Variants in RPS6KC1 observed in about 807,000 individuals in gnomAD.
RPS6KC1 encodes the protein ribosomal protein S6 kinase C1, also known as inactive ribosomal protein S6 kinase delta-1.
RPS6KC1 carries 54 observed loss-of-function variants against 103.8 expected under a neutral mutation model. That is an observed-to-expected ratio of 0.52 (90% CI 0.42 to 0.65). RPS6KC1 has a LOEUF of 0.65. Ranked by LOEUF, RPS6KC1 falls within the 30% of genes least tolerant of loss-of-function variation. The pLI is 0.00. For synonymous variants in RPS6KC1, 439 were observed against 438.7 expected (o/e 1.00, Z -0.01); for missense variants, 1,151 against 1,253.8 (o/e 0.92, Z 1.24).
chr1:213,358,318 T>A, the RPS6KC1 span, among the ~76,000 whole-genome samples: 87,585 of 151,964 alleles, frequency 0.58, 27,887 homozygotes, highest in East Asian at 0.93. Context: ...CGAGCCTGTT[T>A]TTGGTCTATT....
At chr1:213,656,769 A>G in the RPS6KC1 span, among the ~76,000 whole-genome samples, 1 of 152,222 alleles carries the variant, frequency 6.6e-6, no homozygotes, top group Non-Finnish European at 1.5e-5. Flanking sequence ...TGCCTTGTAA[A>G]TGTTTGCTGC....
chr1:213,817,489 A>T, the RPS6KC1 span, among the ~76,000 whole-genome samples: 1 of 152,240 alleles, frequency 6.6e-6, no homozygotes, highest in Non-Finnish European at 1.5e-5. Flanking sequence ...TCCTAATTGA[A>T]TAACTTAGGC....
At chr1:213,248,197 T>C (rs1220931925) in intron 12 of RPS6KC1, among the ~76,000 whole-genome samples, 1 of 152,072 alleles carries the variant, frequency 6.6e-6, no homozygotes, top group Non-Finnish European at 1.5e-5. Context: ...CAGGAGATAC[T>C]ACTTTTTTTC....
chr1:213,707,234 C>T, the RPS6KC1 span, among the ~76,000 whole-genome samples: 129 of 152,244 alleles, frequency 8.5e-4, 5 homozygotes, highest in South Asian at 0.026. Flanking sequence ...TTTTAATGAT[C>T]AGCATTCTAA....
chr1:213,765,447 C>A, the RPS6KC1 span, among the ~76,000 whole-genome samples: 1 of 152,198 alleles, frequency 6.6e-6, no homozygotes, highest in African/African-American at 2.4e-5. Flanking sequence ...ATTGCCAGCT[C>A]TTCTCCCTCC....
At chr1:213,527,749 C>T in the RPS6KC1 span, among the ~76,000 whole-genome samples, 20 of 151,724 alleles carry the variant, frequency 1.3e-4, no homozygotes, top group Non-Finnish European at 2.9e-4. Context: ...TGGTACTGAC[C>T]CCTACACAGT....
At chr1:213,527,884 C>G in the RPS6KC1 span, among the ~76,000 whole-genome samples, 1 of 151,956 alleles carries the variant, frequency 6.6e-6, no homozygotes, top group East Asian at 1.9e-4. Flanking sequence ...ATATACCATG[C>G]TCTTATAATA....
At chr1:213,067,126 A>G (rs2078402291) in intron 1 of RPS6KC1, among the ~76,000 whole-genome samples, 1 of 152,142 alleles carries the variant, frequency 6.6e-6, no homozygotes. Context: ...TACATCTTAC[A>G]CGTATTTATT....
the RPS6KC1 span, among the ~76,000 whole-genome samples, chr1:213,510,659 G>C: frequency 6.6e-6 from 1 of 152,180 alleles, no homozygotes; most frequent in Non-Finnish European, 1.5e-5. Flanking sequence ...ACGGTCTCCA[G>C]TTCAAGTCCT....
At chr1:213,533,925 T>G in the RPS6KC1 span, among the ~76,000 whole-genome samples, 2 of 152,192 alleles carry the variant, frequency 1.3e-5, no homozygotes, top group African/African-American at 4.8e-5. Flanking sequence ...AGGGGGCCAG[T>G]CGATCAAGGA....
chr1:213,510,165 G>A, the RPS6KC1 span, among the ~76,000 whole-genome samples: 1 of 152,138 alleles, frequency 6.6e-6, no homozygotes. Flanking sequence ...CAAAGTAGGG[G>A]CCTGCTTCAA....
At position 213,054,455 on chromosome 1, in the gene RPS6KC1, A is replaced by T. The variant is rs1461292468; in HGVS notation, c.105+2946A>T. ...TATTTCTTGAGAGTTAAGGAGAAAA[A>T]CACCTTTTTTCAGGATAATTAACCA... On this transcript the variant is annotated intron_variant, in intron 1 of 14. Transcript: ENST00000366960. Among the ~76,000 whole-genome samples the T allele has an allele frequency of 2.0e-5, 3 of 152,324 alleles. No homozygotes were observed. The East Asian group carries it at 5.8e-4, about 29-fold the overall frequency.
At chr1:213,127,627 G>A (rs982805492) in intron 5 of RPS6KC1, among the ~76,000 whole-genome samples, 2 of 152,162 alleles carry the variant, frequency 1.3e-5, no homozygotes, top group African/African-American at 4.8e-5. Flanking sequence ...TTGAAAGGGA[G>A]TGAAGTAAGC....
chr1:213,379,053 A>G, the RPS6KC1 span, among the ~76,000 whole-genome samples: 1 of 152,186 alleles, frequency 6.6e-6, no homozygotes, highest in Non-Finnish European at 1.5e-5. Flanking sequence ...GGTTGTTTTC[A>G]GATGGTCCTA....
At chr1:213,081,056 A>C (rs1301803103) in intron 3 of RPS6KC1, among the ~76,000 whole-genome samples, 1 of 152,210 alleles carries the variant, frequency 6.6e-6, no homozygotes, top group African/African-American at 2.4e-5. Flanking sequence ...TAGTTTGCTA[A>C]ATATTTGGAC....
rs1488560482 is a variant in RPS6KC1, at chr1:213,273,838, T to C, written c.*1204T>C. On this transcript the variant is annotated 3_prime_UTR_variant, in exon 15 of 15. Transcript: ENST00000366960. ...GTTTTAAAAGTGTTAACATCTGTTT[T>C]TTTTTAAACGTTAGCCAAAGAAGAA... The C allele has an allele frequency of 1.3e-5, 2 of 152,256 alleles. No individual in the cohort carries two copies. Among genetic ancestry groups the C allele is most frequent in the African/African-American group, 4.8e-5 (2 of 41,476 alleles). The allele number at this position is 152,256 out of a possible 1,614,324, so 9.4% of individuals were successfully genotyped here. A position where few individuals can be genotyped will look rare whatever the true frequency, so the allele number is the denominator to read the frequency against.
chr1:213,238,716 A>G (rs894423119), intron 10 of RPS6KC1, among the ~76,000 whole-genome samples: 1 of 152,146 alleles, frequency 6.6e-6, no homozygotes, highest in Non-Finnish European at 1.5e-5. Flanking sequence ...AAAAGGTACC[A>G]TTTCTTGCTG....
At chr1:213,212,092 T>TA (rs1200846362) in intron 8 of RPS6KC1, among the ~76,000 whole-genome samples, 2 of 152,124 alleles carry the variant, frequency 1.3e-5, no homozygotes, top group South Asian at 2.1e-4. Flanking sequence ...CATAATGACT[T>TA]ACAGTTCATA....
chr1:213,280,859 G>T, the RPS6KC1 span, among the ~76,000 whole-genome samples: 1 of 152,190 alleles, frequency 6.6e-6, no homozygotes, highest in Non-Finnish European at 1.5e-5. Context: ...AGAGTCAGCA[G>T]TTCCTTCATC....
Sources: allele counts gnomAD v4.1 joint callset (sites outside exome capture counted in the v4.1 genomes callset), GRCh38; gene constraint gnomAD v4.1.1; transcripts MANE v1.5; gene names NCBI Gene and HGNC (gene_info 2026-07-23, HGNC 2026-07-21).